The following CPA6 variants were observed in gnomAD, a reference collection of about 807,000 sequenced individuals.
The protein encoded by CPA6 is carboxypeptidase B.
Under a neutral mutation model 63.3 loss-of-function variants are expected in CPA6, and 58 were observed. That is an observed-to-expected ratio of 0.92 (90% CI 0.74 to 1.14). The LOEUF (loss-of-function observed/expected upper bound fraction) is 1.14, where lower values mean the gene tolerates loss of function less well. Ranked by LOEUF, CPA6 falls within the 50% of genes most tolerant of loss-of-function variation. The probability of loss-of-function intolerance (pLI) is 0.00; values close to 1 mark genes in which losing one functional copy is unlikely to be tolerated. For missense variants in CPA6, 565 were observed against 526.6 expected (o/e 1.07, Z -0.71); for synonymous variants, 185 against 179.0 (o/e 1.03, Z -0.27).
intron 2 of CPA6, among the ~76,000 whole-genome samples, chr8:67,527,635 A>G (rs958369746): frequency 6.6e-6 from 1 of 152,212 alleles, no homozygotes; most frequent in Non-Finnish European, 1.5e-5. Flanking sequence ...AATATTTCTC[A>G]AGTTCACCCA....
chr8:67,657,770 G>A (rs989658465), intron 1 of CPA6, among the ~76,000 whole-genome samples: 3 of 152,058 alleles, frequency 2.0e-5, no homozygotes, highest in East Asian at 1.9e-4. Flanking sequence ...CTCCCTCCAC[G>A]CAAGCTCTAA....
intron 6 of CPA6, among the ~76,000 whole-genome samples, chr8:67,503,378 C>G (rs2128964117): frequency 6.6e-6 from 1 of 152,160 alleles, no homozygotes; most frequent in Non-Finnish European, 1.5e-5. Flanking sequence ...CTCACTGCAG[C>G]TTTGACCTCC....
intron 1 of CPA6, among the ~76,000 whole-genome samples, chr8:67,690,849 A>G (rs1037552916): frequency 4.6e-5 from 7 of 152,242 alleles, no homozygotes; most frequent in Admixed American, 1.3e-4. Flanking sequence ...ATTTCAAGCA[A>G]CAATGAAATG....
intron 2 of CPA6, among the ~76,000 whole-genome samples, chr8:67,606,724 G>C (rs1456535518): frequency 1.3e-5 from 2 of 152,176 alleles, no homozygotes. Flanking sequence ...CCCAGCATCT[G>C]CTCTCTGATA....
intron 1 of CPA6, among the ~76,000 whole-genome samples, chr8:67,700,232 C>T (rs941996746): frequency 6.6e-6 from 1 of 152,222 alleles, no homozygotes; most frequent in Admixed American, 6.5e-5. Flanking sequence ...TATGTGTTTA[C>T]TTAAAGTGGC....
chr8:67,488,811 A>C (rs1408200904), intron 6 of CPA6, among the ~76,000 whole-genome samples: 2 of 152,126 alleles, frequency 1.3e-5, no homozygotes, highest in Non-Finnish European at 2.9e-5. Context: ...TTCTCTTTGT[A>C]GCAATTGTGA....
intron 2 of CPA6, among the ~76,000 whole-genome samples, chr8:67,599,654 T>C (rs1378132234): frequency 3.3e-5 from 5 of 152,220 alleles, no homozygotes; most frequent in Non-Finnish European, 7.3e-5. Flanking sequence ...TGGTAAGAAT[T>C]TGAAAGCTCT....
At chr8:67,630,753 C>T (rs928217409) in intron 1 of CPA6, among the ~76,000 whole-genome samples, 10 of 152,196 alleles carry the variant, frequency 6.6e-5, no homozygotes, top group South Asian at 4.1e-4. Flanking sequence ...ACCAGGGCTG[C>T]GCACGGTGCT....
At chr8:67,667,719 G>A (rs1168934375) in intron 1 of CPA6, among the ~76,000 whole-genome samples, 1 of 152,184 alleles carries the variant, frequency 6.6e-6, no homozygotes, top group Non-Finnish European at 1.5e-5. Flanking sequence ...TCTGAAATCA[G>A]TTTAATCTCA....
At chr8:67,731,163 G>C (rs542053354) in intron 1 of CPA6, among the ~76,000 whole-genome samples, 3 of 152,214 alleles carry the variant, frequency 2.0e-5, no homozygotes, top group African/African-American at 7.2e-5. Flanking sequence ...AAAGAACCAA[G>C]CTACCAATAG....
intron 1 of CPA6, among the ~76,000 whole-genome samples, chr8:67,629,914 G>T (rs1815283942): frequency 6.6e-6 from 1 of 151,940 alleles, no homozygotes; most frequent in South Asian, 2.1e-4. Context: ...AGACCATCTT[G>T]GCTAACACAG....
chr8:67,699,484 CAAAT>C (rs532194706), intron 1 of CPA6, among the ~76,000 whole-genome samples: 1,923 of 151,644 alleles, frequency 0.013, 34 homozygotes, highest in African/African-American at 0.041. Flanking sequence ...GAAAAACAGG[CAAAT>C]AAATAAATAA....
intron 8 of CPA6, among the ~76,000 whole-genome samples, chr8:67,475,914 CTT>C (rs1473431079): frequency 4.3e-5 from 4 of 92,314 alleles, no homozygotes; most frequent in Non-Finnish European, 8.5e-5. Context: ...TTCTTTCTTT[CTT>C]TCTTTCTTTC....
chr8:67,443,207 C>T (rs531888714), intron 8 of CPA6, among the ~76,000 whole-genome samples: 4 of 151,926 alleles, frequency 2.6e-5, no homozygotes, highest in Admixed American at 2.6e-4. Flanking sequence ...AGATTAGGTG[C>T]GCACCACCAT....
In CPA6 at chr8:67,631,533, C is replaced by CGGACCAATCAGCTCTCTGTAAAAT. The variant is rs557649041; in HGVS notation, c.117-7306_117-7283dup. On this transcript the variant is annotated intron_variant, in intron 1 of 10. Transcript: ENST00000297770. The stretch of plus-strand genomic sequence containing the variant: ...AATGCACCAATCAGCACCGTCAAAA[C>CGGACCAATCAGCTCTCTGTAAAAT]GGACCAATCAGCTCTCTGTAAAATG... Among the ~76,000 whole-genome samples the CGGACCAATCAGCTCTCTGTAAAAT allele has an allele frequency of 4.1e-4, 63 of 152,114 alleles. 1 individual carries two copies. The highest frequency in any genetic ancestry group is 4.0e-4 in the Non-Finnish European group (27 of 67,974).
chr8:67,447,987 G>C (rs1197977422), intron 8 of CPA6, among the ~76,000 whole-genome samples: 1 of 152,152 alleles, frequency 6.6e-6, no homozygotes, highest in Non-Finnish European at 1.5e-5. Flanking sequence ...GTTTCACCCT[G>C]TTGGCCAGGC....
At chr8:67,500,266 G>C (rs1292937338) in intron 6 of CPA6, among the ~76,000 whole-genome samples, 30 of 152,094 alleles carry the variant, frequency 2.0e-4, no homozygotes, top group African/African-American at 2.4e-5. Flanking sequence ...TGCAGTGATA[G>C]CTCACTGTGG....
At chr8:67,484,314 T>G (rs1811427584) in intron 7 of CPA6, among the ~76,000 whole-genome samples, 2 of 151,632 alleles carry the variant, frequency 1.3e-5, no homozygotes, top group African/African-American at 4.9e-5. Context: ...CCTTGTAATC[T>G]GCCTGTCTCG....
At chr8:67,557,241 T>G (rs1331912647) in intron 2 of CPA6, among the ~76,000 whole-genome samples, 1 of 152,178 alleles carries the variant, frequency 6.6e-6, no homozygotes, top group Non-Finnish European at 1.5e-5. Context: ...ACTCTGCATG[T>G]TCTCAATATA....
Sources: gnomAD v4.1 joint callset for allele counts (sites outside exome capture counted in the v4.1 genomes callset) on GRCh38, gnomAD v4.1.1 for gene constraint, MANE v1.5 for transcripts, NCBI Gene and HGNC (gene_info 2026-07-23, HGNC 2026-07-21) for gene names.